Variants in ZNF362 observed in about 807,000 individuals in gnomAD.
ZNF362 encodes rotund homolog.
In ZNF362, 11 loss-of-function variants were observed where a neutral mutation model predicts 42.9. That is an observed-to-expected ratio of 0.26 (90% CI 0.16 to 0.42). The LOEUF (loss-of-function observed/expected upper bound fraction) is 0.42, where lower values mean the gene tolerates loss of function less well. Among genes scored for constraint, ZNF362 ranks in the 20% least tolerant of loss-of-function variants. ZNF362 has a pLI of 1.00. For missense variants in ZNF362, 362 were observed against 576.2 expected (o/e 0.63, Z 3.81); for synonymous variants, 255 against 257.3 (o/e 0.99, Z 0.09).
the ZNF362 span, among the ~76,000 whole-genome samples, chr1:33,218,830 C>A: frequency 6.6e-6 from 1 of 151,784 alleles, no homozygotes; most frequent in Non-Finnish European, 1.5e-5. Context: ...AAGTCAGATT[C>A]CCAAGAGATT....
the ZNF362 span, chr1:33,160,027 GAC>G: frequency 3.9e-6 from 6 of 1,539,636 alleles, no homozygotes; most frequent in African/African-American, 4.1e-5. Flanking sequence ...CGAGAGCCTT[GAC>G]ACACAGAGAG....
the ZNF362 span, among the ~76,000 whole-genome samples, chr1:33,139,261 T>C: frequency 2.0e-5 from 3 of 152,318 alleles, no homozygotes; most frequent in South Asian, 6.2e-4. Flanking sequence ...AGGGGTTATC[T>C]CTGGTCTGTA....
chr1:33,152,761 C>A, the ZNF362 span, among the ~76,000 whole-genome samples: 1 of 152,122 alleles, frequency 6.6e-6, no homozygotes, highest in Admixed American at 6.5e-5. Flanking sequence ...AACTGGGGCT[C>A]TGAGAGGGGA....
At chr1:33,228,997 T>C in the ZNF362 span, among the ~76,000 whole-genome samples, 3 of 152,144 alleles carry the variant, frequency 2.0e-5, no homozygotes, top group Non-Finnish European at 4.4e-5. Context: ...CTGCAAAGCC[T>C]TTGTGATTGC....
At chr1:33,233,600 C>A in the ZNF362 span, among the ~76,000 whole-genome samples, 1 of 152,172 alleles carries the variant, frequency 6.6e-6, no homozygotes, top group Non-Finnish European at 1.5e-5. Flanking sequence ...GACGGGGTTT[C>A]ACCATGTTGG....
the ZNF362 span, among the ~76,000 whole-genome samples, chr1:33,169,854 C>G: frequency 6.6e-6 from 1 of 152,222 alleles, no homozygotes; most frequent in Admixed American, 6.5e-5. Flanking sequence ...GTGGACAGTA[C>G]TGCTGCAGAC....
chr1:33,174,298 C>T, the ZNF362 span, among the ~76,000 whole-genome samples: 1 of 152,286 alleles, frequency 6.6e-6, no homozygotes, highest in Non-Finnish European at 1.5e-5. Context: ...CCTCCCACCT[C>T]AGCCTCCCAA....
chr1:33,192,484 G>A, the ZNF362 span, among the ~76,000 whole-genome samples: 1 of 152,156 alleles, frequency 6.6e-6, no homozygotes, highest in Non-Finnish European at 1.5e-5. Context: ...AGTTAAATTA[G>A]CTTATTTGGA....
chr1:33,218,520 GTTTCTCAGCACTCTT>G, the ZNF362 span, among the ~76,000 whole-genome samples: 2 of 152,152 alleles, frequency 1.3e-5, no homozygotes, highest in Non-Finnish European at 2.9e-5. Flanking sequence ...ATGAATGCCT[GTTTCTCAGCACTCTT>G]TCTAAAAGAA....
Position 33,270,615 on chromosome 1 carries a change from A to G in ZNF362, c.38+3A>G. ...CCAAGTGGGAAAGGACACTCTAGGT[A>G]AGGAGCCTGTGATTCCAGGTTGCAC... On this transcript the variant is annotated splice_donor_region_variant and intron_variant, in intron 2 of 8. Coordinates refer to ENST00000539719, the MANE Select transcript of ZNF362 (RefSeq NM_152493.3). 6.2e-7 allele frequency: 1 copy of G among 1,613,212 alleles called. No homozygotes were observed. Among genetic ancestry groups the G allele is most frequent in the Non-Finnish European group, 8.5e-7 (1 of 1,179,548 alleles).
the ZNF362 span, among the ~76,000 whole-genome samples, chr1:33,161,149 G>A: frequency 3.9e-5 from 6 of 152,244 alleles, no homozygotes; most frequent in African/African-American, 1.2e-4. The surrounding 1 kb of genome is among the most constrained non-coding windows in gnomAD (Gnocchi z 4.3). Flanking sequence ...GTTGTTGTGC[G>A]CACTCCAAGG....
In ZNF362 at chr1:33,280,238, G is replaced by A. The variant is rs1335126514; in HGVS notation, c.464G>A (p.Arg155His). The change falls in exon 5 of 9, where the codon CGC becomes CAC. Residue 155 changes from arginine (R) to histidine (H), a missense_variant. Arg to His is a conservative substitution (Grantham distance 29). Transcript: ENST00000539719. The surrounding 1 kb of genome is among the most constrained non-coding windows in gnomAD (Gnocchi z 5.6). The part of the protein sequence containing the change: ...PSTPTTTSQS[R>H]LIASSPTLIS... ...ACACCCACCACCACCAGCCAGAGCCGCCTCATCGCCTCGTCCCCCACCCTC... is the reference window on the plus strand; with the variant it reads ...ACACCCACCACCACCAGCCAGAGCCACCTCATCGCCTCGTCCCCCACCCTC... 6 of 1,614,024 alleles carry A rather than the reference G, an allele frequency of 3.7e-6. No homozygotes were observed. The highest frequency in any genetic ancestry group is 2.2e-5 in the East Asian group (1 of 44,870).
the ZNF362 span, among the ~76,000 whole-genome samples, chr1:33,189,872 A>G: frequency 6.6e-6 from 1 of 151,440 alleles, no homozygotes; most frequent in Non-Finnish European, 1.5e-5. Context: ...AGGGATGGGG[A>G]AAATAGTCAC....
the ZNF362 span, among the ~76,000 whole-genome samples, chr1:33,194,312 G>T: frequency 6.6e-6 from 1 of 152,034 alleles, no homozygotes; most frequent in African/African-American, 2.4e-5. Flanking sequence ...GAGGCTGGTG[G>T]ATTGCTTAAG....
the ZNF362 span, among the ~76,000 whole-genome samples, chr1:33,180,119 A>T: frequency 2.0e-5 from 3 of 152,120 alleles, no homozygotes. Context: ...AGGGAGACCG[A>T]TTAGAGTTCT....
chr1:33,197,420 A>G, the ZNF362 span, among the ~76,000 whole-genome samples: 11 of 152,294 alleles, frequency 7.2e-5, no homozygotes, highest in South Asian at 1.0e-3. Flanking sequence ...ACAGATGGCT[A>G]TGGCATCACT....
chr1:33,261,867 GCT>G (rs1199425411), intron 1 of ZNF362, among the ~76,000 whole-genome samples: 2 of 152,222 alleles, frequency 1.3e-5, no homozygotes, highest in African/African-American at 4.8e-5. Context: ...ACAGGCTGCT[GCT>G]GCAGTATCTG....
chr1:33,217,002 C>T, the ZNF362 span, among the ~76,000 whole-genome samples: 1 of 151,774 alleles, frequency 6.6e-6, no homozygotes, highest in Non-Finnish European at 1.5e-5. Flanking sequence ...ATTGCTGAGG[C>T]GGTTCTGGAG....
chr1:33,281,656 G>T lies in ZNF362; in HGVS notation c.753G>T (p.Glu251Asp). 6.2e-7 allele frequency: 1 copy of T among 1,614,226 alleles called. No individual in the cohort carries two copies. The highest frequency in any genetic ancestry group is 8.5e-7 in the Non-Finnish European group (1 of 1,180,044). The change falls in exon 6 of 9, where the codon GAG (glutamate) becomes GAT (aspartate). Residue 251 changes from glutamate (E) to aspartate (D), a missense_variant. This residue lies in a region of ZNF362 where 266 missense variants were observed against 365.4 expected (regional missense o/e 0.73). Transcript: ENST00000539719. This position sits in a 1 kb window ranked among gnomAD's most constrained non-coding sequence, Gnocchi z 4.8. Reference sequence around the variant, plus strand: ...AGATCCACTCCAAGTCGCACACAGAGGCCAAGCCCCACAAGTGCCCGCACT... The same window carrying T: ...AGATCCACTCCAAGTCGCACACAGATGCCAAGCCCCACAAGTGCCCGCACT... Reference protein sequence around the residue: ...EMQIHSKSHTEAKPHKCPHCS... With the variant: ...EMQIHSKSHTDAKPHKCPHCS...
Sources: allele counts gnomAD v4.1 joint callset (sites outside exome capture counted in the v4.1 genomes callset), GRCh38; gene constraint gnomAD v4.1.1; regional missense constraint gnomAD v4.1.1; non-coding constraint Gnocchi (gnomAD v3.1); transcripts MANE v1.5; gene names NCBI Gene and HGNC (gene_info 2026-07-23, HGNC 2026-07-21).